The following KCNIP1 variants were observed in gnomAD, a reference collection of about 807,000 sequenced individuals.
KCNIP1 encodes the protein A-type potassium channel modulatory protein KCNIP1.
Under a neutral mutation model 33.0 loss-of-function variants are expected in KCNIP1, and 18 were observed. The ratio of observed to expected loss-of-function variants is 0.55; its 90% confidence interval spans 0.38 to 0.81. KCNIP1 has a LOEUF of 0.81. KCNIP1 is among the 30% of genes least tolerant of loss of function. KCNIP1 has a pLI of 0.00. For missense variants in KCNIP1, 238 were observed against 271.6 expected, an observed-to-expected ratio of 0.88 and a Z score of 0.87; for synonymous variants, 93 against 98.3, an observed-to-expected ratio of 0.95 and a Z score of 0.32.
At chr5:170,633,897 G>A (rs1356340997) in intron 1 of KCNIP1, among the ~76,000 whole-genome samples, 1 of 152,174 alleles carries the variant, frequency 6.6e-6, no homozygotes, top group Non-Finnish European at 1.5e-5. Context: ...TCTGGCTGCT[G>A]TGCTGGGGTA....
At chr5:170,610,290 C>T (rs1759094526) in intron 1 of KCNIP1, among the ~76,000 whole-genome samples, 1 of 152,182 alleles carries the variant, frequency 6.6e-6, no homozygotes, top group African/African-American at 2.4e-5. Flanking sequence ...AGAGAAATTT[C>T]TGCATGACAC....
At chr5:170,510,766 G>T (rs547527499) in intron 1 of KCNIP1, among the ~76,000 whole-genome samples, 2 of 152,296 alleles carry the variant, frequency 1.3e-5, no homozygotes, top group East Asian at 3.9e-4. Context: ...GTGGGGGGAA[G>T]TAGGAACCAC....
intron 1 of KCNIP1, among the ~76,000 whole-genome samples, chr5:170,367,822 T>C (rs1763734227): frequency 6.6e-6 from 1 of 152,214 alleles, no homozygotes; most frequent in Non-Finnish European, 1.5e-5. Context: ...TCCAAAGAGA[T>C]GGCCCATCTA....
chr5:170,724,951 C>T (rs929994026), intron 5 of KCNIP1, among the ~76,000 whole-genome samples: 6 of 152,198 alleles, frequency 3.9e-5, no homozygotes, highest in South Asian at 2.1e-4. Flanking sequence ...TATTTTGTAG[C>T]AGTTGATATG....
intron 1 of KCNIP1, among the ~76,000 whole-genome samples, chr5:170,410,928 C>T (rs1033437207): frequency 6.6e-6 from 1 of 152,254 alleles, no homozygotes; most frequent in South Asian, 2.1e-4. Context: ...AGCCATGCCC[C>T]ACCTGTGGAA....
chr5:170,651,044 C>T (rs946688229), intron 1 of KCNIP1, among the ~76,000 whole-genome samples: 5 of 152,170 alleles, frequency 3.3e-5, no homozygotes, highest in African/African-American at 1.2e-4. Context: ...AGGCCCAAAG[C>T]CAGGAGAAGG....
At chr5:170,414,831 T>A (rs1755285325) in intron 1 of KCNIP1, among the ~76,000 whole-genome samples, 3 of 152,258 alleles carry the variant, frequency 2.0e-5, no homozygotes, top group Admixed American at 2.0e-4. Flanking sequence ...CTTTGGGGTA[T>A]AAATAAATGT....
At chr5:170,372,267 A>G (rs1254116068) in intron 1 of KCNIP1, among the ~76,000 whole-genome samples, 1 of 152,198 alleles carries the variant, frequency 6.6e-6, no homozygotes, top group African/African-American at 2.4e-5. Flanking sequence ...GAAGAGACAC[A>G]CAGGGCAAGG....
chr5:170,620,601 T>A (rs9313514), intron 1 of KCNIP1, among the ~76,000 whole-genome samples: 2,918 of 152,338 alleles, frequency 0.019, 81 homozygotes, highest in African/African-American at 0.066. Context: ...CTGCCTGATC[T>A]ATGGACTTCT....
intron 1 of KCNIP1, among the ~76,000 whole-genome samples, chr5:170,584,906 C>T (rs1180550371): frequency 1.3e-5 from 2 of 152,184 alleles, no homozygotes; most frequent in East Asian, 1.9e-4. Flanking sequence ...GCAGAGCAGG[C>T]CTGGTGGCTT....
chr5:170,578,700 G>A (rs1432633352), intron 1 of KCNIP1, among the ~76,000 whole-genome samples: 1 of 152,170 alleles, frequency 6.6e-6, no homozygotes, highest in East Asian at 1.9e-4. Flanking sequence ...ATGGACAATA[G>A]ACAAACAAAT....
chr5:170,580,948 A>G (rs1025105695), intron 1 of KCNIP1, among the ~76,000 whole-genome samples: 4 of 152,202 alleles, frequency 2.6e-5, no homozygotes, highest in African/African-American at 9.7e-5. Context: ...TAGGGATGGT[A>G]TGAGTATCTC....
chr5:170,534,513 GAGA>G (rs61690608), intron 1 of KCNIP1, among the ~76,000 whole-genome samples: 36,905 of 150,506 alleles, frequency 0.25, 5,941 homozygotes, highest in African/African-American at 0.47. Flanking sequence ...GGAGGAGAAG[GAGA>G]AGAAGGAGAA....
chr5:170,620,079 T>C (rs1759543317), intron 1 of KCNIP1, among the ~76,000 whole-genome samples: 2 of 152,332 alleles, frequency 1.3e-5, no homozygotes, highest in South Asian at 2.1e-4. Flanking sequence ...ATCTCAAAAA[T>C]GGAAGTAAAA....
At position 170,589,809 on chromosome 5, in the gene KCNIP1, G is replaced by GGTGCGGTGCA. The variant is rs1314311890; in HGVS notation, c.61+85184_61+85185insCAGTGCGGTG. 6.6e-5 allele frequency among the ~76,000 whole-genome samples: 10 copies of GGTGCGGTGCA among 151,688 alleles called. No individual in the cohort carries two copies. The East Asian group carries it at 7.8e-4, about 12-fold the overall frequency. ...TGTGATGTGGTGTGCGGTGCGGTGC[G>GGTGCGGTGCA]GTGCGGTGTGGTGTGGTATGGGTTG... On this transcript the variant is annotated intron_variant, in intron 1 of 7. Transcript: ENST00000328939.
chr5:170,598,857 G>A (rs4867991), intron 1 of KCNIP1, among the ~76,000 whole-genome samples: 87,380 of 151,162 alleles, frequency 0.58, 25,755 homozygotes, highest in East Asian at 0.85. Context: ...CAGGCCCTGA[G>A]GCCATCTGAT....
chr5:170,423,852 C>T (rs871105), intron 1 of KCNIP1, among the ~76,000 whole-genome samples: 27,894 of 152,148 alleles, frequency 0.18, 2,913 homozygotes, highest in Non-Finnish European at 0.23. Flanking sequence ...TTAATTGTGG[C>T]TCAGTAAAAA....
intron 1 of KCNIP1, among the ~76,000 whole-genome samples, chr5:170,656,998 T>C (rs79387990): frequency 2.8e-5 from 4 of 141,674 alleles, no homozygotes; most frequent in African/African-American, 1.1e-4. Flanking sequence ...CTTTCTTTCT[T>C]TTTTTTTTTT....
At chr5:170,695,058 G>A (rs11953623) in intron 1 of KCNIP1, among the ~76,000 whole-genome samples, 5,038 of 152,234 alleles carry the variant, frequency 0.033, 99 homozygotes, top group Non-Finnish European at 0.04. Flanking sequence ...GTGTGACACA[G>A]CTCTCTCCAG....
Sources: allele counts gnomAD v4.1 joint callset (sites outside exome capture counted in the v4.1 genomes callset), GRCh38; gene constraint gnomAD v4.1.1; transcripts MANE v1.5; gene names NCBI Gene and HGNC (gene_info 2026-07-23, HGNC 2026-07-21).